Variants in PSG4 observed in about 807,000 individuals in gnomAD.
PSG4 encodes pregnancy-specific beta-1-glycoprotein 4.
In PSG4, 61 loss-of-function variants were observed where a neutral mutation model predicts 44.3. The observed-to-expected ratio is 1.38, with a 90% CI of 1.12 to 1.70. The LOEUF (loss-of-function observed/expected upper bound fraction) is 1.70, where lower values mean the gene tolerates loss of function less well. PSG4 is among the 40% of genes most tolerant of loss of function. The pLI, the probability that PSG4 is intolerant of heterozygous loss-of-function variation, is 0.00. For missense variants in PSG4, 677 were observed against 511.7 expected (o/e 1.32, Z -3.12); for synonymous variants, 248 against 191.3 (o/e 1.30, Z -2.45).
In PSG4 at chr19:43,195,742, A is replaced by G. The variant is rs568143579; in HGVS notation, c.710-469T>C. On this transcript the variant is annotated intron_variant, in intron 3 of 5. Coordinates refer to ENST00000405312, the MANE Select transcript of PSG4 (RefSeq NM_002780.5). ...ATAATGGGACTTCCCATTGTCCTGA[A>G]ACCCTGAAGATACTGAGCAGTCTGG... Among the ~76,000 whole-genome samples the G allele has an allele frequency of 2.6e-5, 4 of 151,034 alleles. 1 individual carries two copies. The highest frequency in any genetic ancestry group is 6.6e-5 in the Admixed American group (1 of 15,064).
chr19:43,194,135 G>C, intron 5 of PSG4: 4 of 1,427,620 alleles, frequency 2.8e-6, no homozygotes, highest in South Asian at 1.4e-5. Context: ...CTTGGTCTAG[G>C]CTGGGAATTT....
In PSG4 at chr19:43,193,708, C is replaced by T. The variant is rs750510200; in HGVS notation, c.1244-320G>A. 21 of 541,316 alleles carry T rather than the reference C, an allele frequency of 3.9e-5. 1 individual carries two copies. Among genetic ancestry groups the T allele is most frequent in the African/African-American group, 9.6e-5 (5 of 52,210 alleles). The allele number at this position is 541,316 out of a possible 1,614,324, so 33.5% of individuals were successfully genotyped here. A position where few individuals can be genotyped will look rare whatever the true frequency, so the allele number is the denominator to read the frequency against. On this transcript the variant is annotated intron_variant, in intron 5 of 5. Coordinates refer to ENST00000405312, the MANE Select transcript of PSG4 (RefSeq NM_002780.5). Reference sequence around the variant, plus strand: ...TTGAGAATAGGAAGCCAAACCAAGGCTGACTTCAGACTTTGCCTGCAGTTC... The same window carrying T: ...TTGAGAATAGGAAGCCAAACCAAGGTTGACTTCAGACTTTGCCTGCAGTTC...
intron 2 of PSG4, chr19:43,203,676 G>A: frequency 3.3e-6 from 3 of 913,530 alleles, no homozygotes; most frequent in Non-Finnish European, 4.7e-6. Flanking sequence ...TTCCTCTGCA[G>A]CGAGTGTCTG....
At position 43,193,103 on chromosome 19, in the gene PSG4, T is replaced by C; in HGVS notation, c.*269A>G. 2 of 635,234 alleles carry C rather than the reference T, an allele frequency of 3.1e-6. No individual in the cohort carries two copies. Among genetic ancestry groups the C allele is most frequent in the Middle Eastern group, 4.2e-4 (1 of 2,400 alleles). 39.3% of individuals were successfully genotyped at this position (635,234 alleles called of 1,614,324 possible). A position where few individuals can be genotyped will look rare whatever the true frequency, so the allele number is the denominator to read the frequency against. ...GTTAAGAGGGGTGGGAGCCTTATCA[T>C]GATGGGGAGTCTTGTTCTGACATCT... On this transcript the variant is annotated 3_prime_UTR_variant, in exon 6 of 6. Transcript: ENST00000405312.
At chr19:43,204,371 C>A (rs973619300) in intron 1 of PSG4, 120 bp from the exon 2 acceptor site, 4 of 1,272,166 alleles carry the variant, frequency 3.1e-6, no homozygotes, top group Non-Finnish European at 4.3e-6. Flanking sequence ...CACATACAAA[C>A]ACATACACAC....
Position 43,198,169 on chromosome 19 carries a change from C to T in PSG4, c.537G>A (p.Gln179=), listed in dbSNP as rs1568386048. The change falls in exon 3 of 6, where the codon CAG becomes CAA. Residue 179 remains glutamine (Q), a synonymous_variant. Transcript: ENST00000405312. ...CDPATPAASY[Q]WWMNGQSLPM... is the part of the protein sequence containing the mutation. Reference sequence around the variant, plus strand: ...GGAGGCTCTGACCATTCATCCACCACTGGTAGCTTGCGGCTGGAGTCGCAG... The same window carrying T: ...GGAGGCTCTGACCATTCATCCACCATTGGTAGCTTGCGGCTGGAGTCGCAG... 1.3e-6 allele frequency: 2 copies of T among 1,588,082 alleles called. No homozygotes were observed. Among genetic ancestry groups the T allele is most frequent in the Non-Finnish European group, 1.7e-6 (2 of 1,171,968 alleles).
chr19:43,193,164 T>C lies in PSG4; in HGVS notation c.*208A>G. ...TGTCCACAGTGTGAAGTCATCAACT[T>C]GTTATCCTGGTTTACAGTTTGAGTA... On this transcript the variant is annotated 3_prime_UTR_variant, in exon 6 of 6. Transcript: ENST00000405312. 1.4e-6 allele frequency: 1 copy of C among 722,640 alleles called. No homozygotes were observed. Among genetic ancestry groups the C allele is most frequent in the South Asian group, 1.4e-5 (1 of 70,108 alleles). 44.8% of individuals were successfully genotyped at this position (722,640 alleles called of 1,614,324 possible).
intron 2 of PSG4, among the ~76,000 whole-genome samples, chr19:43,201,586 C>A (rs1967510946): frequency 6.9e-6 from 1 of 144,930 alleles, no homozygotes; most frequent in Non-Finnish European, 1.5e-5. Flanking sequence ...GAGGCAGATT[C>A]AAGCACAAAC....
rs35958981 is a variant in PSG4, at chr19:43,199,668, G to T, written c.431-1393C>A. On this transcript the variant is annotated intron_variant, in intron 2 of 5. Transcript: ENST00000405312. ...CAATTTGTAATACTGTAATTTTCCC[G>T]TAAAAAGTTGTCAGGAATTTAGACC... Among the ~76,000 whole-genome samples, 3 of 143,698 alleles carry T rather than the reference G, an allele frequency of 2.1e-5. 1 individual carries two copies. Among genetic ancestry groups the T allele is most frequent in the African/African-American group, 5.4e-5 (2 of 37,062 alleles). The allele number at this position is 143,698 out of a possible 152,430, so 94.3% of individuals were successfully genotyped here.
chr19:43,204,005 T>A lies in PSG4; in HGVS notation c.311A>T (p.Asn104Ile). ...AYSGRERVYS[N>I]ASLLIQNVTQ... ...GACATTCTGGATCAGCAGGGATGCA[T>A]TGGAATATACTCTTTCTCTTCCACT... is the stretch of plus-strand genomic sequence containing the variant. Residue 104 changes from asparagine (N) to isoleucine (I), a missense_variant, in exon 2 of 6, where the codon AAT (asparagine) becomes ATT (isoleucine). Physicochemically the swap from Asn to Ile is moderately radical, Grantham distance 149 (BLOSUM62 -3). Coordinates refer to ENST00000405312, the MANE Select transcript of PSG4 (RefSeq NM_002780.5). 2.5e-6 allele frequency: 4 copies of A among 1,587,832 alleles called. No homozygotes were observed. Among genetic ancestry groups the A allele is most frequent in the Non-Finnish European group, 3.4e-6 (4 of 1,171,660 alleles).
At chr19:43,204,838 C>A (rs752617927) in intron 1 of PSG4, 9 of 425,846 alleles carry the variant, frequency 2.1e-5, no homozygotes, top group Non-Finnish European at 4.2e-5. Context: ...TTTTTCCCCC[C>A]AATTGTTGAG....
chr19:43,204,734 CT>C lies in PSG4; in HGVS notation c.65-484del, dbSNP rs1369524617. 9.9e-6 allele frequency: 3 copies of C among 304,202 alleles called. 1 individual carries two copies. The highest frequency in any genetic ancestry group is 1.8e-5 in the Non-Finnish European group (3 of 165,614). The allele number at this position is 304,202 out of a possible 1,614,324, so 18.8% of individuals were successfully genotyped here. On this transcript the variant is annotated intron_variant, in intron 1 of 5. Coordinates refer to ENST00000405312, the MANE Select transcript of PSG4 (RefSeq NM_002780.5). ...TGTGTGAGCTCCGTGAGGACAGGGA[CT>C]TTTGTGATCTTGGTTGCACCCCAGT...
At position 43,197,807 on chromosome 19, in the gene PSG4, C is replaced by A; in HGVS notation, c.709+190G>T. The A allele has an allele frequency of 2.5e-6, 3 of 1,181,432 alleles. 1 individual carries two copies. The highest frequency in any genetic ancestry group is 2.9e-4 in the Middle Eastern group (1 of 3,420). 73.2% of individuals were successfully genotyped at this position (1,181,432 alleles called of 1,614,324 possible). The stretch of plus-strand genomic sequence containing the variant: ...CCTGAGTCTCCCATGACAGGAGCAG[C>A]CTCTTTTCTCCTATTGTGGATCAAG... On this transcript the variant is annotated intron_variant, in intron 3 of 5. Transcript: ENST00000405312.
In PSG4 at chr19:43,204,817, C is replaced by G. The variant is rs1175222326; in HGVS notation, c.65-566G>C. 5 of 360,796 alleles carry G rather than the reference C, an allele frequency of 1.4e-5. 1 individual carries two copies. The African/African-American group carries it at 1.5e-4, about 11-fold the overall frequency. The allele number at this position is 360,796 out of a possible 1,614,324, so 22.3% of individuals were successfully genotyped here. ...TGAGAGTTCTCAGGGTCTCCACCCTCTGGATGTTTCTTTTTCCCCCCAATT... is the reference window on the plus strand; with the variant it reads ...TGAGAGTTCTCAGGGTCTCCACCCTGTGGATGTTTCTTTTTCCCCCCAATT... On this transcript the variant is annotated intron_variant, in intron 1 of 5. Transcript: ENST00000405312.
Position 43,201,751 on chromosome 19 carries a change from A to G in PSG4, c.430+2135T>C, listed in dbSNP as rs558634100. Among the ~76,000 whole-genome samples the G allele has an allele frequency of 4.8e-5, 7 of 145,786 alleles. No homozygotes were observed. The South Asian group carries it at 1.1e-3, about 23-fold the overall frequency. Reference sequence around the variant, plus strand: ...CTGATTTGAGTACTAATCAACCTCCAGCCTCCTGTTTGGCAGACTTGGAGT... The same window carrying G: ...CTGATTTGAGTACTAATCAACCTCCGGCCTCCTGTTTGGCAGACTTGGAGT... On this transcript the variant is annotated intron_variant, in intron 2 of 5. Transcript: ENST00000405312.
At chr19:43,194,771 G>C in intron 4 of PSG4, 177 bp from the exon 5 acceptor site, 1 of 1,417,090 alleles carries the variant, frequency 7.1e-7, no homozygotes, top group Non-Finnish European at 9.4e-7. Flanking sequence ...CCCATCACAA[G>C]TTTTAGGCCC....
chr19:43,194,900 C>G, intron 4 of PSG4, 95 bp downstream of exon 4: 1 of 1,563,042 alleles, frequency 6.4e-7, no homozygotes, highest in East Asian at 2.2e-5. Flanking sequence ...GTAAAGGTGT[C>G]TATACTTGGA....
chr19:43,194,777 G>A, intron 4 of PSG4, 183 bp from the exon 5 acceptor site: 2 of 1,414,062 alleles, frequency 1.4e-6, no homozygotes, highest in Non-Finnish European at 9.5e-7. Context: ...ACAAGTTTTA[G>A]GCCCCAAGTC....
At position 43,195,239 on chromosome 19, in the gene PSG4, G is replaced by A. The variant is rs936253541; in HGVS notation, c.744C>T (p.Asn248=). The A allele has an allele frequency of 1.2e-6, 2 of 1,610,366 alleles. No individual in the cohort carries two copies. Among genetic ancestry groups the A allele is most frequent in the Non-Finnish European group, 1.7e-6 (2 of 1,179,008 alleles). The change falls in exon 4 of 6, where the codon AAC becomes AAT. Residue 248 remains asparagine (N), a synonymous_variant. Coordinates refer to ENST00000405312, the MANE Select transcript of PSG4 (RefSeq NM_002780.5). ...KLSKPYITIN[N]LNPRENKDVL... Reference sequence around the variant, plus strand: ...CATCCTTATTCTCTCTGGGGTTTAAGTTGTTGATTGTGATGTAGGGCTTGG... The same window carrying A: ...CATCCTTATTCTCTCTGGGGTTTAAATTGTTGATTGTGATGTAGGGCTTGG...
Sources: allele counts gnomAD v4.1 joint callset (sites outside exome capture counted in the v4.1 genomes callset), GRCh38; gene constraint gnomAD v4.1.1; transcripts MANE v1.5; gene names NCBI Gene and HGNC (gene_info 2026-07-23, HGNC 2026-07-21).